ARSG: variants seen among roughly 807,000 people sequenced by gnomAD.
The protein encoded by ARSG is arylsulfatase G.
A neutral mutation model predicts 50.5 loss-of-function variants in ARSG; 37 were observed. The observed-to-expected ratio is 0.73, with a 90% CI of 0.56 to 0.96. The LOEUF is 0.96. Ranked by LOEUF, ARSG falls within the 50% of genes least tolerant of loss-of-function variation. ARSG has a pLI of 0.00. For synonymous variants in ARSG, 225 were observed against 254.6 expected, an observed-to-expected ratio of 0.88 and a Z score of 1.11; for missense variants, 629 against 675.3, an observed-to-expected ratio of 0.93 and a Z score of 0.76.
chr17:68,363,938 C>T (rs2079418276), intron 6 of ARSG, among the ~76,000 whole-genome samples: 1 of 152,176 alleles, frequency 6.6e-6, no homozygotes, highest in Non-Finnish European at 1.5e-5. Flanking sequence ...CCCAGGGAGC[C>T]ACCACCAGAG....
chr17:68,411,077 C>T (rs2081977190), intron 11 of ARSG, among the ~76,000 whole-genome samples: 1 of 152,128 alleles, frequency 6.6e-6, no homozygotes, highest in Non-Finnish European at 1.5e-5. Context: ...AAAACCAGCT[C>T]CTGGATTCAC....
intron 9 of ARSG, among the ~76,000 whole-genome samples, chr17:68,388,092 A>G (rs2080812947): frequency 6.6e-6 from 1 of 152,216 alleles, no homozygotes; most frequent in East Asian, 1.9e-4. Flanking sequence ...CTATGGGTCA[A>G]TCATTACTCC....
At chr17:68,376,281 T>TTG in intron 8 of ARSG, among the ~76,000 whole-genome samples, 1 of 148,760 alleles carries the variant, frequency 6.7e-6, no homozygotes, top group African/African-American at 2.5e-5. Context: ...CCCTGCATTT[T>TTG]TTTTTTTTTT....
intron 6 of ARSG, among the ~76,000 whole-genome samples, chr17:68,366,340 T>G (rs893379815): frequency 5.3e-5 from 8 of 152,178 alleles, no homozygotes; most frequent in Non-Finnish European, 8.8e-5. Context: ...ACTTGAAATT[T>G]GAGCCAGATC....
intron 3 of ARSG, 125 bp downstream of exon 3, chr17:68,343,916 C>G (rs922584573): frequency 2.0e-6 from 2 of 1,001,724 alleles, no homozygotes; most frequent in Non-Finnish European, 2.9e-6. Flanking sequence ...TAGGGATGCT[C>G]TCAGCTATAA....
downstream of ARSG, chr17:68,427,407 A>T: frequency 1.8e-6 from 1 of 553,878 alleles, no homozygotes; most frequent in South Asian, 2.3e-5. Flanking sequence ...CCCAGGCTGG[A>T]GTGCAGTGGC....
chr17:68,348,778 G>A (rs549667228), intron 4 of ARSG, among the ~76,000 whole-genome samples: 1 of 152,236 alleles, frequency 6.6e-6, no homozygotes, highest in South Asian at 2.1e-4. Flanking sequence ...GAGGAAGTCG[G>A]AAAAAAACTT....
At chr17:68,369,870 G>A (rs1358777812) in intron 7 of ARSG, among the ~76,000 whole-genome samples, 2 of 152,170 alleles carry the variant, frequency 1.3e-5, no homozygotes, top group African/African-American at 4.8e-5. Context: ...GAAGGAAGAG[G>A]AGGAAAGGCA....
intron 11 of ARSG, among the ~76,000 whole-genome samples, chr17:68,407,281 T>C (rs763304523): frequency 1.3e-5 from 2 of 152,208 alleles, no homozygotes; most frequent in Non-Finnish European, 1.5e-5. Flanking sequence ...GGCTTTATAG[T>C]ATAGTTTGAA....
intron 1 of ARSG, among the ~76,000 whole-genome samples, chr17:68,304,933 A>G (rs559652926): frequency 1.3e-3 from 197 of 152,206 alleles, no homozygotes; most frequent in African/African-American, 3.8e-3. Flanking sequence ...CAGCACTTTG[A>G]GAGGTTGAGG....
At chr17:68,298,502 C>T (rs1207130655) in intron 1 of ARSG, among the ~76,000 whole-genome samples, 3 of 147,680 alleles carry the variant, frequency 2.0e-5, no homozygotes, top group East Asian at 4.0e-4. Flanking sequence ...GGCTGAGGCA[C>T]GAGAATCACT....
the ARSG span, among the ~76,000 whole-genome samples, chr17:68,431,911 G>A: frequency 2.6e-5 from 4 of 152,222 alleles, no homozygotes; most frequent in South Asian, 2.1e-4. Context: ...CAGCAATTGC[G>A]ATCACTCACT....
chr17:68,334,424 T>C (rs900526989), intron 2 of ARSG, among the ~76,000 whole-genome samples: 2 of 152,156 alleles, frequency 1.3e-5, no homozygotes, highest in Admixed American at 1.3e-4. Flanking sequence ...TATTCTTTGC[T>C]GTGCTGGAGA....
At chr17:68,304,598 G>A (rs145589288) in intron 1 of ARSG, among the ~76,000 whole-genome samples, 1 of 152,288 alleles carries the variant, frequency 6.6e-6, no homozygotes, top group Non-Finnish European at 1.5e-5. Context: ...AAAAGTGTCT[G>A]TCATAATCCC....
chr17:68,295,292 G>A (rs1038698882), intron 1 of ARSG, among the ~76,000 whole-genome samples: 1 of 152,098 alleles, frequency 6.6e-6, no homozygotes, highest in Admixed American at 6.6e-5. Flanking sequence ...GTGTGTGTGG[G>A]CGGCCGATGA....
rs994770933 is a variant in ARSG at position 68,378,189 on chromosome 17, C to T, written c.983-6875C>T. Among the ~76,000 whole-genome samples the T allele has an allele frequency of 9.2e-5, 14 of 152,210 alleles. No individual in the cohort carries two copies. The highest frequency in any genetic ancestry group is 3.4e-4 in the African/African-American group (14 of 41,448). On this transcript the variant is annotated intron_variant, in intron 8 of 11. Coordinates refer to ENST00000621439, the MANE Select transcript of ARSG (RefSeq NM_001267727.2). This position sits in a 1 kb window ranked among gnomAD's most constrained non-coding sequence, Gnocchi z 4.4. ...TTCACCCAGTTCCCCATCAGTGGGA[C>T]ATCTGCACGGCTCACTGTACAGGGG... is the stretch of plus-strand genomic sequence containing the variant.
intron 2 of ARSG, among the ~76,000 whole-genome samples, chr17:68,334,435 C>T (rs1314104163): frequency 6.6e-6 from 1 of 152,166 alleles, no homozygotes; most frequent in African/African-American, 2.4e-5. Context: ...GTGCTGGAGA[C>T]TTCATAGTGA....
chr17:68,374,018 A>G (rs939091759), intron 8 of ARSG, among the ~76,000 whole-genome samples: 5 of 151,814 alleles, frequency 3.3e-5, no homozygotes, highest in Non-Finnish European at 7.4e-5. Flanking sequence ...TTAGCCGGGC[A>G]TGGTGGCGGG....
intron 2 of ARSG, among the ~76,000 whole-genome samples, chr17:68,330,889 C>A (rs767325749): frequency 4.4e-4 from 65 of 149,026 alleles, no homozygotes; most frequent in Admixed American, 1.9e-3. Flanking sequence ...CTGTCTCTGT[C>A]TTAAAATTTT....
Sources: gnomAD v4.1 joint callset for allele counts (sites outside exome capture counted in the v4.1 genomes callset) on GRCh38, gnomAD v4.1.1 for gene constraint, Gnocchi (gnomAD v3.1) non-coding constraint, MANE v1.5 for transcripts, NCBI Gene and HGNC (gene_info 2026-07-23, HGNC 2026-07-21) for gene names.